SMPD3: variants seen among roughly 807,000 people sequenced by gnomAD.
SMPD3 encodes sphingomyelin phosphodiesterase 3, also known as nSMase-2.
A neutral mutation model predicts 55.7 loss-of-function variants in SMPD3; 21 were observed. The ratio of observed to expected loss-of-function variants is 0.38; its 90% CI spans 0.27 to 0.54. The LOEUF (loss-of-function observed/expected upper bound fraction) is 0.54. SMPD3 is among the 20% of genes least tolerant of loss of function. SMPD3 has a pLI of 0.80. For synonymous variants in SMPD3, 457 were observed against 404.3 expected (o/e 1.13, Z -1.56); for missense variants, 842 against 899.6 (o/e 0.94, Z 0.82).
At chr16:68,382,060 T>C (rs189562236) in intron 2 of SMPD3, 1 of 152,378 alleles carries the variant, frequency 6.6e-6, no homozygotes, top group Non-Finnish European at 1.5e-5. Flanking sequence ...CAAGTTCTTC[T>C]AGCACCATGA....
chr16:68,437,600 G>C (rs1265254209), intron 1 of SMPD3, among the ~76,000 whole-genome samples: 1 of 152,200 alleles, frequency 6.6e-6, no homozygotes, highest in Non-Finnish European at 1.5e-5. Flanking sequence ...AGAAAACACA[G>C]TGATCTCTTT....
At chr16:68,407,725 A>C (rs1374258249) in intron 1 of SMPD3, among the ~76,000 whole-genome samples, 1 of 152,128 alleles carries the variant, frequency 6.6e-6, no homozygotes, top group Non-Finnish European at 1.5e-5. Flanking sequence ...TTGTATTTTT[A>C]ACCTGTGATC....
In SMPD3 at chr16:68,365,097, G is replaced by A; in HGVS notation, c.1324-5C>T. The A allele has an allele frequency of 6.2e-7, 1 of 1,613,868 alleles. No homozygotes were observed. The highest frequency in any genetic ancestry group is 8.5e-7 in the Non-Finnish European group (1 of 1,179,922). On this transcript the variant is annotated splice_polypyrimidine_tract_variant and splice_region_variant and intron_variant, in intron 3 of 8. Transcript: ENST00000219334. ...AGGTGTGCTTCCCACCTGCACCTGG[G>A]GGAGGAGGGGGTCAGTGCTGCCACC...
Position 68,367,372 on chromosome 16 carries a change from GT to G in SMPD3, c.1324-2281del, listed in dbSNP as rs1340570385. The G allele has an allele frequency of 3.9e-5, 6 of 152,446 alleles. No individual in the cohort carries two copies. In the East Asian group the frequency reaches 1.2e-3, roughly 29 times the overall value. 9.4% of individuals were successfully genotyped at this position (152,446 alleles called of 1,614,324 possible). On this transcript the variant is annotated intron_variant, in intron 3 of 8. Coordinates refer to ENST00000219334, the MANE Select transcript of SMPD3 (RefSeq NM_018667.4). ...TGAACACACTGAGGCCAGAAGTTGA[GT>G]TGTGGGCCGGGGTCACAGGCTCACA...
Position 68,425,358 on chromosome 16 carries a change from G to A in SMPD3, c.-269+22995C>T, listed in dbSNP as rs141323775. Among the ~76,000 whole-genome samples the A allele has an allele frequency of 1.5e-4, 23 of 152,342 alleles. No individual in the cohort carries two copies. In the East Asian group the frequency reaches 4.1e-3, roughly 27 times the overall value. On this transcript the variant is annotated intron_variant, in intron 1 of 8. Transcript: ENST00000219334. ...GACTGCTTGGGATGGGTGAAGGCAG[G>A]GGCAAGAGCCCTGCATGCCAAGAGG...
chr16:68,360,474 G>A lies in SMPD3; in HGVS notation c.*732C>T, dbSNP rs2089191192. 1 of 152,606 alleles carries A rather than the reference G, an allele frequency of 6.6e-6. No individual in the cohort carries two copies. The highest frequency in any genetic ancestry group is 1.5e-5 in the Non-Finnish European group (1 of 68,098). The allele number at this position is 152,606 out of a possible 1,614,324, so 9.5% of individuals were successfully genotyped here. ...ACTCTGTTGTGCCTGAGCTGGGGAAGGGACCCTGTCTCGGGAAGAGCAAAG... is the reference window on the plus strand; with the variant it reads ...ACTCTGTTGTGCCTGAGCTGGGGAAAGGACCCTGTCTCGGGAAGAGCAAAG... On this transcript the variant is annotated 3_prime_UTR_variant, in exon 9 of 9. Coordinates refer to ENST00000219334, the MANE Select transcript of SMPD3 (RefSeq NM_018667.4).
intron 7 of SMPD3, 96 bp from the exon 8 acceptor site, chr16:68,361,855 G>C: frequency 1.8e-6 from 2 of 1,083,830 alleles, no homozygotes; most frequent in Non-Finnish European, 1.3e-6. Flanking sequence ...CCCAGTGTGG[G>C]AGCGGGTGGG....
intron 1 of SMPD3, among the ~76,000 whole-genome samples, chr16:68,416,841 T>C (rs1050555452): frequency 1.3e-5 from 2 of 151,808 alleles, no homozygotes; most frequent in Non-Finnish European, 2.9e-5. Flanking sequence ...ACTTGGCTGG[T>C]CCTGAGGCCT....
At chr16:68,369,559 C>G (rs992210123) in intron 3 of SMPD3, 1 of 152,264 alleles carries the variant, frequency 6.6e-6, no homozygotes, top group African/African-American at 2.4e-5. Context: ...AACACATCCC[C>G]TTCCTCCCCA....
Position 68,363,237 on chromosome 16 carries a change from A to G in SMPD3, c.1709+259T>C, listed in dbSNP as rs181594975. On this transcript the variant is annotated intron_variant, in intron 7 of 8. Transcript: ENST00000219334. ...GCAGGCAGGGGCTCGGGGCAGGGCT[A>G]GCTCCTGAAAACAGGTTTGGGAAAT... Among the ~76,000 whole-genome samples, 331 of 152,166 alleles carry G rather than the reference A, an allele frequency of 2.2e-3. 4 individuals are homozygous for G. In the South Asian group the frequency reaches 0.032, roughly 15 times the overall value.
chr16:68,418,484 T>C (rs1471044468), intron 1 of SMPD3, among the ~76,000 whole-genome samples: 4 of 152,168 alleles, frequency 2.6e-5, no homozygotes, highest in Admixed American at 6.5e-5. Context: ...AGAATTGCAC[T>C]AAATTTTTTA....
chr16:68,423,256 C>T (rs940721193), intron 1 of SMPD3, among the ~76,000 whole-genome samples: 1 of 152,170 alleles, frequency 6.6e-6, no homozygotes, highest in Non-Finnish European at 1.5e-5. Flanking sequence ...GAAGATGCTT[C>T]CTGGGATTCC....
intron 2 of SMPD3, among the ~76,000 whole-genome samples, chr16:68,374,620 A>C (rs567316939): frequency 6.6e-6 from 1 of 152,166 alleles, no homozygotes; most frequent in Admixed American, 6.5e-5. Context: ...AGACTCCAGG[A>C]CGTACTCCCT....
intron 1 of SMPD3, among the ~76,000 whole-genome samples, chr16:68,392,125 C>T (rs1303186189): frequency 6.6e-6 from 1 of 152,212 alleles, no homozygotes; most frequent in Non-Finnish European, 1.5e-5. Flanking sequence ...ATTCTGACCT[C>T]AGGTGATCTG....
chr16:68,389,278 C>T (rs994527997), intron 1 of SMPD3, among the ~76,000 whole-genome samples: 1 of 152,246 alleles, frequency 6.6e-6, no homozygotes, highest in Non-Finnish European at 1.5e-5. Flanking sequence ...CCCAAGCACG[C>T]TCCTGCCTGC....
chr16:68,418,157 T>C (rs2090354280), intron 1 of SMPD3, among the ~76,000 whole-genome samples: 1 of 152,190 alleles, frequency 6.6e-6, no homozygotes, highest in East Asian at 1.9e-4. Flanking sequence ...TCTGGCTTGT[T>C]GGGTTTCACT....
rs116555421 is a variant in SMPD3, at chr16:68,360,893, T to C, written c.*313A>G. Reference sequence around the variant, plus strand: ...GAAGCTTAAGAGGAGATACAGAGAGTACACGAACCCGGTCCTCATACTAAC... The same window carrying C: ...GAAGCTTAAGAGGAGATACAGAGAGCACACGAACCCGGTCCTCATACTAAC... On this transcript the variant is annotated 3_prime_UTR_variant, in exon 9 of 9. Transcript: ENST00000219334. 4.9e-3 allele frequency: 1,678 copies of C among 345,884 alleles called. 28 individuals are homozygous for C. Among genetic ancestry groups the C allele is most frequent in the African/African-American group, 0.033 (1,567 of 47,592 alleles). 21.4% of individuals were successfully genotyped at this position (345,884 alleles called of 1,614,324 possible).
At chr16:68,399,222 T>C (rs1443581347) in intron 1 of SMPD3, among the ~76,000 whole-genome samples, 2 of 152,174 alleles carry the variant, frequency 1.3e-5, no homozygotes, top group Admixed American at 6.5e-5. Context: ...AAATCAGGAC[T>C]GGCTAGGCTG....
At chr16:68,367,431 T>A (rs1438865635) in intron 3 of SMPD3, 1 of 73,142 alleles carries the variant, frequency 1.4e-5, no homozygotes, top group Admixed American at 1.4e-4. Flanking sequence ...TCGGATCTGT[T>A]TGTCGTGCGC....
Sources: allele counts gnomAD v4.1 joint callset (sites outside exome capture counted in the v4.1 genomes callset), GRCh38; gene constraint gnomAD v4.1.1; transcripts MANE v1.5; gene names NCBI Gene and HGNC (gene_info 2026-07-23, HGNC 2026-07-21).